The following ATAD5 variants were observed in gnomAD, a reference collection of about 807,000 sequenced individuals.
ATAD5 encodes ATPase family AAA domain containing 5.
In ATAD5, 58 loss-of-function variants were observed where a neutral mutation model predicts 176.9. The observed-to-expected ratio is 0.33, with a 90% CI of 0.27 to 0.41. The LOEUF (loss-of-function observed/expected upper bound fraction) is 0.41. ATAD5 is among the 10% of genes least tolerant of loss of function. ATAD5 has a pLI of 1.00. For synonymous variants in ATAD5, 640 were observed against 712.6 expected, an observed-to-expected ratio of 0.90 and a Z score of 1.62; for missense variants, 1,789 against 2,094.1, an observed-to-expected ratio of 0.85 and a Z score of 2.84.
chr17:30,857,190 TC>T (rs1377136863), intron 8 of ATAD5, 78 bp downstream of exon 8: 1 of 1,449,038 alleles, frequency 6.9e-7, no homozygotes, highest in African/African-American at 1.5e-5. Context: ...GGATATCTAC[TC>T]TTATAGCCTC....
chr17:30,852,429 T>C (rs1488864076), intron 6 of ATAD5, among the ~76,000 whole-genome samples: 1 of 152,200 alleles, frequency 6.6e-6, no homozygotes, highest in African/African-American at 2.4e-5. Flanking sequence ...GGATGGTATT[T>C]AGAGACGAAG....
rs142337160 is a variant in ATAD5, at chr17:30,833,372, A to G, written c.67-776A>G. ...ATGCTAAGAAACCCTATTTCATAAT[A>G]ATGATACTTACCATTTAATATGTTA... is the stretch of plus-strand genomic sequence containing the variant. On this transcript the variant is annotated intron_variant, in intron 1 of 22. Transcript: ENST00000321990. Among the ~76,000 whole-genome samples the G allele has an allele frequency of 2.6e-5, 4 of 152,330 alleles. No individual in the cohort carries two copies. The East Asian group carries it at 7.7e-4, about 29-fold the overall frequency.
chr17:30,885,291 C>T (rs1909249660), intron 18 of ATAD5, among the ~76,000 whole-genome samples: 2 of 152,204 alleles, frequency 1.3e-5, no homozygotes, highest in South Asian at 4.1e-4. Context: ...GGTGATCCCC[C>T]AACCTTGGCC....
At position 30,835,573 on chromosome 17, in the gene ATAD5, G is replaced by A. The variant is rs1299056054; in HGVS notation, c.1492G>A (p.Gly498Arg). Reference sequence around the variant, plus strand: ...GGCTATTCCAGGCAAAAACAGAGAGGGAAACACTCAAAAGAAAGAAACAAC... The same window carrying A: ...GGCTATTCCAGGCAAAAACAGAGAGAGAAACACTCAAAAGAAAGAAACAAC... ...TGAIPGKNRE[G>R]NTQKKETTFF... The change falls in exon 2 of 23, where the codon GGA becomes AGA. Residue 498 changes from glycine to arginine, a missense_variant. Transcript: ENST00000321990. 1.9e-6 allele frequency: 3 copies of A among 1,611,536 alleles called. No homozygotes were observed. The highest frequency in any genetic ancestry group is 4.5e-5 in the East Asian group (2 of 44,802).
rs28793095 is a variant in ATAD5, at chr17:30,848,154, G to A, written c.2450+3238G>A. ...TAACATTATAAGAACCTGGCAAACT[G>A]TTGTCCCAAGTTGTTGTTCGGTTTT... is the stretch of plus-strand genomic sequence containing the variant. On this transcript the variant is annotated intron_variant, in intron 6 of 22. Transcript: ENST00000321990. Among the ~76,000 whole-genome samples the A allele has an allele frequency of 3.3e-3, 498 of 152,146 alleles. 2 individuals are homozygous for A. The highest frequency in any genetic ancestry group is 0.012 in the African/African-American group (480 of 41,522).
intron 6 of ATAD5, among the ~76,000 whole-genome samples, chr17:30,847,325 TATAGAG>T (rs941696836): frequency 4.6e-5 from 7 of 150,738 alleles, no homozygotes; most frequent in African/African-American, 1.7e-4. Context: ...GCTATATATA[TATAGAG>T]AGAGAGAGAG....
chr17:30,840,732 C>T lies in ATAD5; in HGVS notation c.2192C>T (p.Ser731Phe), dbSNP rs776340456. 1 of 1,608,968 alleles carries T rather than the reference C, an allele frequency of 6.2e-7. No homozygotes were observed. Among genetic ancestry groups the T allele is most frequent in the Non-Finnish European group, 8.5e-7 (1 of 1,178,248 alleles). Residue 731 changes from serine to phenylalanine, a missense_variant, in exon 4 of 23, where the codon TCC becomes TTC. Ser to Phe is a radical substitution (Grantham distance 155, BLOSUM62 -2). Around this residue, in one of 6 missense-constraint regions of ATAD5, gnomAD observed 487 missense variants for 573.6 expected, o/e 0.85. Coordinates refer to ENST00000321990, the MANE Select transcript of ATAD5 (RefSeq NM_024857.5). ...TEEIAIPLRR[S>F]SRHQTLPERK... ...GAAATAGCGATACCCTTAAGGCGCT[C>T]CTCTAGACATCAGACACTTCCTGAA...
At chr17:30,834,032 T>G (rs1270937823) in intron 1 of ATAD5, 116 bp from the exon 2 acceptor site, 1 of 913,022 alleles carries the variant, frequency 1.1e-6, no homozygotes, top group Non-Finnish European at 1.5e-6. Context: ...GTTTTTCACC[T>G]AAAGGAGGCT....
intron 19 of ATAD5, among the ~76,000 whole-genome samples, chr17:30,890,710 A>G (rs552652804): frequency 6.2e-4 from 94 of 152,034 alleles, no homozygotes; most frequent in African/African-American, 2.2e-3. Flanking sequence ...CATGAGCCAC[A>G]GCACTTGGCT....
chr17:30,860,333 A>G, intron 9 of ATAD5, 100 bp from the exon 10 acceptor site: 3 of 1,384,736 alleles, frequency 2.2e-6, no homozygotes, highest in Non-Finnish European at 2.9e-6. Flanking sequence ...TTGCCTTTGC[A>G]TTTTAAAGTT....
In ATAD5 at chr17:30,894,931, G is replaced by A; in HGVS notation, c.*18G>A. On this transcript the variant is annotated 3_prime_UTR_variant, in exon 23 of 23. Coordinates refer to ENST00000321990, the MANE Select transcript of ATAD5 (RefSeq NM_024857.5). Reference sequence around the variant, plus strand: ...TCCCTTAATGTTCCATACTAACAATGCTTTGTATAGATTATCATGTGGTCC... The same window carrying A: ...TCCCTTAATGTTCCATACTAACAATACTTTGTATAGATTATCATGTGGTCC... The A allele has an allele frequency of 1.3e-6, 2 of 1,517,816 alleles. No homozygotes were observed. Among genetic ancestry groups the A allele is most frequent in the Non-Finnish European group, 1.8e-6 (2 of 1,117,578 alleles). 94.0% of individuals were successfully genotyped at this position (1,517,816 alleles called of 1,614,324 possible). A position where few individuals can be genotyped will look rare whatever the true frequency, so the allele number is the denominator to read the frequency against.
At chr17:30,887,077 T>C in intron 18 of ATAD5, 115 bp from the exon 19 acceptor site, 1 of 754,564 alleles carries the variant, frequency 1.3e-6, no homozygotes, top group South Asian at 2.2e-5. Context: ...GAAGAGCATT[T>C]AAGATAATGT....
Position 30,840,776 on chromosome 17 carries a change from A to T in ATAD5, c.2236A>T (p.Thr746Ser). The T allele has an allele frequency of 6.3e-7, 1 of 1,597,736 alleles. No individual in the cohort carries two copies. The highest frequency in any genetic ancestry group is 8.5e-7 in the Non-Finnish European group (1 of 1,175,292). ...TCCTGAAAGGAAGAAATTGTCAGAAACAGAAGTAAGTATTATAAATATCTG... is the reference window on the plus strand; with the variant it reads ...TCCTGAAAGGAAGAAATTGTCAGAATCAGAAGTAAGTATTATAAATATCTG... ...TLPERKKLSE[T>S]EDSVIIIDSS... The change falls in exon 4 of 23, where the codon ACA becomes TCA. Residue 746 changes from threonine (T) to serine (S), a missense_variant. This residue lies in a region of ATAD5 where 487 missense variants were observed against 573.6 expected (regional missense o/e 0.85). Coordinates refer to ENST00000321990, the MANE Select transcript of ATAD5 (RefSeq NM_024857.5).
intron 11 of ATAD5, among the ~76,000 whole-genome samples, chr17:30,867,641 T>C (rs1908079674): frequency 6.6e-6 from 1 of 152,196 alleles, no homozygotes; most frequent in Non-Finnish European, 1.5e-5. Flanking sequence ...AAACAGGGTC[T>C]TGCTCTGTTG....
At chr17:30,868,568 C>T (rs534529466) in intron 12 of ATAD5, among the ~76,000 whole-genome samples, 156 bp downstream of exon 12, 266 of 142,670 alleles carry the variant, frequency 1.9e-3, no homozygotes, top group African/African-American at 6.7e-3. Flanking sequence ...AGTGCAGTGG[C>T]GCAATCTCGG....
In ATAD5 at chr17:30,895,764, T is replaced by C. The variant is rs945903907; in HGVS notation, c.*851T>C. ...ACCTGTTTACAAATGTGTATGAAGA[T>C]AGATATTTTTACCTCTTATTTGTTC... On this transcript the variant is annotated 3_prime_UTR_variant, in exon 23 of 23. Transcript: ENST00000321990. 1.3e-5 allele frequency: 2 copies of C among 152,172 alleles called. No individual in the cohort carries two copies. The highest frequency in any genetic ancestry group is 2.9e-5 in the Non-Finnish European group (2 of 68,038). 9.4% of individuals were successfully genotyped at this position (152,172 alleles called of 1,614,324 possible).
In ATAD5 at chr17:30,875,852, G is replaced by A. The variant is rs150227995; in HGVS notation, c.3608-522G>A. Among the ~76,000 whole-genome samples the A allele has an allele frequency of 1.6e-3, 244 of 150,936 alleles. 5 individuals carry two copies. The East Asian group carries it at 0.043, about 27-fold the overall frequency. The stretch of plus-strand genomic sequence containing the variant: ...GTAGAGTGTCTTTTCTAAATGACTG[G>A]CTTGGCCGTGTGCGGTGGCTCATGC... On this transcript the variant is annotated intron_variant, in intron 14 of 22. Transcript: ENST00000321990.
intron 14 of ATAD5, among the ~76,000 whole-genome samples, chr17:30,875,606 G>A (rs922857858): frequency 1.3e-5 from 2 of 151,878 alleles, no homozygotes; most frequent in South Asian, 4.2e-4. Context: ...AGACCAGCCT[G>A]GACAACATGG....
chr17:30,862,279 A>G (rs924330918), intron 10 of ATAD5, among the ~76,000 whole-genome samples: 4 of 150,440 alleles, frequency 2.7e-5, no homozygotes, highest in Non-Finnish European at 5.9e-5. Context: ...GGCTGCAGTG[A>G]GCCAAGATCT....
Sources: gnomAD v4.1 joint callset for allele counts (sites outside exome capture counted in the v4.1 genomes callset) on GRCh38, gnomAD v4.1.1 for gene constraint, gnomAD v4.1.1 regional missense constraint, MANE v1.5 for transcripts, NCBI Gene and HGNC (gene_info 2026-07-23, HGNC 2026-07-21) for gene names.